PLPP1: variants seen among roughly 807,000 people sequenced by gnomAD.
The protein encoded by PLPP1 is phospholipid phosphatase 1.
In PLPP1, 24 loss-of-function variants were observed where a neutral mutation model predicts 31.2. That is an observed-to-expected ratio of 0.77 (90% CI 0.56 to 1.08). The LOEUF (loss-of-function observed/expected upper bound fraction) is 1.08. Ranked by LOEUF, PLPP1 falls within the 50% of genes least tolerant of loss-of-function variation. The pLI is 0.00. For synonymous variants in PLPP1, 146 were observed against 126.3 expected (o/e 1.16, Z -1.05); for missense variants, 319 against 342.7 (o/e 0.93, Z 0.55).
At chr5:55,510,950 T>C (rs535938583) in intron 1 of PLPP1, among the ~76,000 whole-genome samples, 2 of 152,336 alleles carry the variant, frequency 1.3e-5, no homozygotes, top group African/African-American at 4.8e-5. Context: ...TAATAAATGC[T>C]TACTCCCTGA....
At chr5:55,479,020 G>A (rs1156471960) in intron 1 of PLPP1, among the ~76,000 whole-genome samples, 2 of 131,720 alleles carry the variant, frequency 1.5e-5, no homozygotes, top group Non-Finnish European at 3.3e-5. Flanking sequence ...ATAAGCCTAT[G>A]AGATTTTTTT....
intron 4 of PLPP1, among the ~76,000 whole-genome samples, chr5:55,428,025 G>T (rs968060997): frequency 6.6e-6 from 1 of 152,142 alleles, no homozygotes; most frequent in African/African-American, 2.4e-5. Flanking sequence ...GACCTCAGGT[G>T]ATCCACCCAC....
intron 1 of PLPP1, among the ~76,000 whole-genome samples, chr5:55,528,172 T>C (rs1015186419): frequency 6.6e-6 from 1 of 152,154 alleles, no homozygotes; most frequent in African/African-American, 2.4e-5. Context: ...GTCATAAACA[T>C]TGGTACTTAC....
intron 1 of PLPP1, among the ~76,000 whole-genome samples, chr5:55,501,784 G>A (rs1481369844): frequency 2.0e-5 from 3 of 152,140 alleles, no homozygotes; most frequent in East Asian, 1.9e-4. Flanking sequence ...GATTACAGGC[G>A]TGAGCCACTG....
intron 1 of PLPP1, among the ~76,000 whole-genome samples, chr5:55,489,905 C>T (rs1001079978): frequency 1.3e-5 from 2 of 152,144 alleles, no homozygotes; most frequent in African/African-American, 4.8e-5. Flanking sequence ...GGTAAATCTT[C>T]ACCTTGCTCC....
At chr5:55,434,582 G>A (rs1019796075) in intron 4 of PLPP1, among the ~76,000 whole-genome samples, 10 of 152,058 alleles carry the variant, frequency 6.6e-5, no homozygotes, top group South Asian at 4.1e-4. Context: ...AAACAGACTC[G>A]TCAGCAACCA....
At chr5:55,500,592 A>C (rs553808596) in intron 1 of PLPP1, among the ~76,000 whole-genome samples, 59 of 152,298 alleles carry the variant, frequency 3.9e-4, no homozygotes, top group African/African-American at 1.4e-3. Context: ...ATATTTTATA[A>C]TAAAACAAAA....
At chr5:55,434,062 G>C (rs1439811805) in intron 4 of PLPP1, among the ~76,000 whole-genome samples, 1 of 150,896 alleles carries the variant, frequency 6.6e-6, no homozygotes, top group Non-Finnish European at 1.5e-5. Context: ...TTAGGAGGTG[G>C]AGGTTGCAGT....
chr5:55,475,488 G>C (rs754846857), intron 1 of PLPP1, 38 bp from the exon 2 acceptor site: 1 of 1,527,912 alleles, frequency 6.5e-7, no homozygotes, highest in Non-Finnish European at 8.9e-7. Context: ...CATTAAAAAA[G>C]AAATATCAAA....
chr5:55,517,605 CTAAT>C (rs1753579768), intron 1 of PLPP1, among the ~76,000 whole-genome samples: 1 of 152,166 alleles, frequency 6.6e-6, no homozygotes, highest in African/African-American at 2.4e-5. Context: ...GAATACGGAC[CTAAT>C]TAATTGACCA....
chr5:55,495,510 G>A (rs1752986584), intron 1 of PLPP1, among the ~76,000 whole-genome samples: 1 of 152,052 alleles, frequency 6.6e-6, no homozygotes, highest in South Asian at 2.1e-4. Flanking sequence ...TCTAGTACAT[G>A]GCAAATCTAA....
At chr5:55,449,313 G>T (rs186731355) in intron 3 of PLPP1, among the ~76,000 whole-genome samples, 38 of 152,230 alleles carry the variant, frequency 2.5e-4, no homozygotes, top group African/African-American at 9.1e-4. Context: ...CACATAACAC[G>T]GTGATAATAC....
intron 1 of PLPP1, among the ~76,000 whole-genome samples, chr5:55,524,773 GCATTC>G (rs1341313254): frequency 6.6e-6 from 1 of 152,104 alleles, no homozygotes; most frequent in Non-Finnish European, 1.5e-5. Context: ...TCATGCCGTT[GCATTC>G]CAGCCTGGGC....
chr5:55,443,212 TACACACACACACACACAC>T (rs960914383), intron 3 of PLPP1, among the ~76,000 whole-genome samples: 4 of 105,000 alleles, frequency 3.8e-5, no homozygotes, highest in South Asian at 3.2e-4. Flanking sequence ...TATATATATA[TACACACACACACACACAC>T]ACACATATAT....
intron 3 of PLPP1, among the ~76,000 whole-genome samples, chr5:55,454,420 T>C (rs1427733926): frequency 2.6e-5 from 4 of 152,192 alleles, no homozygotes; most frequent in Non-Finnish European, 4.4e-5. Flanking sequence ...CAATAGAGAA[T>C]GACATCACAG....
intron 3 of PLPP1, among the ~76,000 whole-genome samples, chr5:55,442,460 T>A (rs1296589432): frequency 6.6e-6 from 1 of 152,122 alleles, no homozygotes; most frequent in Non-Finnish European, 1.5e-5. Context: ...GAGACCATCC[T>A]GGCCAACATG....
chr5:55,533,628 T>C (rs1015677760), intron 1 of PLPP1, among the ~76,000 whole-genome samples: 3 of 152,184 alleles, frequency 2.0e-5, no homozygotes, highest in African/African-American at 7.2e-5. Flanking sequence ...AACTTGCCAA[T>C]ACTACTACTA....
intron 2 of PLPP1, among the ~76,000 whole-genome samples, chr5:55,471,188 T>C (rs1238303360): frequency 6.6e-6 from 1 of 151,686 alleles, no homozygotes; most frequent in Admixed American, 6.6e-5. Flanking sequence ...GTCAAAATTG[T>C]TTCATCAGAT....
chr5:55,463,075 T>C (rs6872045), intron 3 of PLPP1, among the ~76,000 whole-genome samples: 22,178 of 152,004 alleles, frequency 0.15, 1,805 homozygotes, highest in African/African-American at 0.22. Flanking sequence ...CTCAGCAAAC[T>C]AACACAGGAA....
Sources: allele counts gnomAD v4.1 joint callset (sites outside exome capture counted in the v4.1 genomes callset), GRCh38; gene constraint gnomAD v4.1.1; transcripts MANE v1.5; gene names NCBI Gene and HGNC (gene_info 2026-07-23, HGNC 2026-07-21).